PEAK1: variants seen among roughly 807,000 people sequenced by gnomAD.
PEAK1 encodes the protein inactive tyrosine-protein kinase PEAK1.
PEAK1 carries 54 observed loss-of-function variants against 124.7 expected under a neutral mutation model. That is an observed-to-expected ratio of 0.43 (90% CI 0.35 to 0.54). The LOEUF (loss-of-function observed/expected upper bound fraction) is 0.54. Ranked by LOEUF, PEAK1 falls within the 20% of genes least tolerant of loss-of-function variation. The pLI is 0.01. For synonymous variants in PEAK1, 719 were observed against 760.0 expected (o/e 0.95, Z 0.89); for missense variants, 2,046 against 2,134.5 (o/e 0.96, Z 0.82).
rs76163462 is a variant in PEAK1 at position 77,230,670 on chromosome 15, G to A, written c.-115+21697C>T. ...CCCACCAATTTGGAAAGCAAGGTGG[G>A]ATGACTGCTAAAGGCCAGGAGTTTG... On this transcript the variant is annotated intron_variant, in intron 6 of 9. Transcript: ENST00000682557. Among the ~76,000 whole-genome samples, 1,108 of 152,170 alleles carry A rather than the reference G, an allele frequency of 7.3e-3. 15 individuals carry two copies. Among genetic ancestry groups the A allele is most frequent in the African/African-American group, 0.025 (1,052 of 41,504 alleles).
chr15:77,415,449 T>C (rs1210827298), intron 1 of PEAK1, among the ~76,000 whole-genome samples: 3 of 152,192 alleles, frequency 2.0e-5, no homozygotes, highest in African/African-American at 7.2e-5. Context: ...TTTTAAGAGA[T>C]AGGGTCTCAT....
chr15:77,248,799 A>ATATTT (rs138299271), intron 6 of PEAK1, among the ~76,000 whole-genome samples: 223 of 151,602 alleles, frequency 1.5e-3, no homozygotes, highest in African/African-American at 1.7e-3. Flanking sequence ...TATTACTACT[A>ATATTT]TATTTTATTT....
At chr15:77,213,603 C>T (rs905001512) in intron 6 of PEAK1, among the ~76,000 whole-genome samples, 1 of 151,948 alleles carries the variant, frequency 6.6e-6, no homozygotes, top group South Asian at 2.1e-4. Context: ...GCAGGAGACT[C>T]GCTTGAACCT....
At chr15:77,384,738 C>G (rs1251599430) in intron 1 of PEAK1, among the ~76,000 whole-genome samples, 2 of 152,174 alleles carry the variant, frequency 1.3e-5, no homozygotes, top group African/African-American at 4.8e-5. Flanking sequence ...CAACTGCCTT[C>G]CCTTGGCCCT....
chr15:77,348,835 T>C (rs2067032888), intron 2 of PEAK1: 4 of 760,868 alleles, frequency 5.3e-6, no homozygotes, highest in African/African-American at 1.9e-5. Context: ...AGAGTGGGGG[T>C]CTAACTGTGT....
At chr15:77,253,434 G>C (rs1166233384) in intron 5 of PEAK1, among the ~76,000 whole-genome samples, 1 of 151,960 alleles carries the variant, frequency 6.6e-6, no homozygotes, top group Non-Finnish European at 1.5e-5. Flanking sequence ...AGTGACAGAG[G>C]AAAAACAAAA....
At chr15:77,171,746 C>CTGCT (rs1056530674) in intron 7 of PEAK1, among the ~76,000 whole-genome samples, 6 of 152,154 alleles carry the variant, frequency 3.9e-5, no homozygotes, top group African/African-American at 1.2e-4. Context: ...TTTCCCTGAT[C>CTGCT]TGCTCACTTT....
chr15:77,417,801 T>C, intron 1 of PEAK1: 1 of 985,400 alleles, frequency 1.0e-6, no homozygotes. Context: ...CGGAACAATT[T>C]AGAAGAGTTA....
intron 2 of PEAK1, among the ~76,000 whole-genome samples, chr15:77,316,688 G>A (rs2064897239): frequency 6.6e-6 from 1 of 152,164 alleles, no homozygotes; most frequent in African/African-American, 2.4e-5. Context: ...AATAGCTGAC[G>A]AAATGAATGA....
rs1181677755 is a variant in PEAK1 at position 77,237,066 on chromosome 15, A to T, written c.-115+15301T>A. ...AGCTGCTGCACCTGGCTAGAAAATAATTTTTTTTAAAGTGGGCTTATACTA... is the reference window on the plus strand; with the variant it reads ...AGCTGCTGCACCTGGCTAGAAAATATTTTTTTTTAAAGTGGGCTTATACTA... On this transcript the variant is annotated intron_variant, in intron 6 of 9. Transcript: ENST00000682557. Among the ~76,000 whole-genome samples, 11 of 152,022 alleles carry T rather than the reference A, an allele frequency of 7.2e-5. No homozygotes were observed. In the East Asian group the frequency reaches 1.9e-3, roughly 27 times the overall value.
chr15:77,198,117 G>T (rs370861231), intron 6 of PEAK1, among the ~76,000 whole-genome samples: 3 of 152,064 alleles, frequency 2.0e-5, no homozygotes, highest in African/African-American at 7.2e-5. Context: ...ATAAGTATAT[G>T]AATAACCACA....
chr15:77,287,560 T>C (rs1370183213), intron 2 of PEAK1, among the ~76,000 whole-genome samples: 1 of 152,196 alleles, frequency 6.6e-6, no homozygotes, highest in East Asian at 1.9e-4. Context: ...AGTTTCCTTT[T>C]TGGGTTCCTC....
At chr15:77,206,534 T>C (rs2152855350) in intron 6 of PEAK1, among the ~76,000 whole-genome samples, 1 of 151,634 alleles carries the variant, frequency 6.6e-6, no homozygotes, top group South Asian at 2.1e-4. Context: ...TGGTGTGAGA[T>C]GGTATCTCAT....
chr15:77,334,827 G>A, intron 2 of PEAK1: 2 of 985,314 alleles, frequency 2.0e-6, no homozygotes, highest in Non-Finnish European at 2.4e-6. Flanking sequence ...GCTATTCACT[G>A]CATCCAGAGA....
At chr15:77,313,692 G>GTA (rs1555478058) in intron 2 of PEAK1, among the ~76,000 whole-genome samples, 2,097 of 98,402 alleles carry the variant, frequency 0.021, 59 homozygotes, top group African/African-American at 0.052. Context: ...GTGTGTGTGT[G>GTA]TATATATATA....
intron 6 of PEAK1, among the ~76,000 whole-genome samples, chr15:77,235,797 C>T (rs1378475314): frequency 6.6e-6 from 1 of 152,170 alleles, no homozygotes; most frequent in African/African-American, 2.4e-5. Flanking sequence ...GGCCCAAGGT[C>T]CCCCCTGCTC....
At chr15:77,194,973 T>C (rs920245604) in intron 6 of PEAK1, among the ~76,000 whole-genome samples, 1 of 152,338 alleles carries the variant, frequency 6.6e-6, no homozygotes, top group Non-Finnish European at 1.5e-5. Flanking sequence ...TAGTAAATTA[T>C]GTTCGGGGTT....
intron 1 of PEAK1, among the ~76,000 whole-genome samples, chr15:77,414,929 A>G (rs1009746544): frequency 2.6e-5 from 4 of 152,226 alleles, no homozygotes; most frequent in African/African-American, 7.2e-5. Flanking sequence ...ACAATACTCA[A>G]TATCATTAAT....
intron 6 of PEAK1, among the ~76,000 whole-genome samples, chr15:77,211,035 G>T (rs1422104440): frequency 1.3e-5 from 2 of 152,156 alleles, no homozygotes; most frequent in African/African-American, 4.8e-5. Context: ...AGCAAACTAT[G>T]TCCCATGGGT....
Sources: gnomAD v4.1 joint callset for allele counts (sites outside exome capture counted in the v4.1 genomes callset) on GRCh38, gnomAD v4.1.1 for gene constraint, MANE v1.5 for transcripts, NCBI Gene and HGNC (gene_info 2026-07-23, HGNC 2026-07-21) for gene names.